The following RBFOX1 variants were observed in gnomAD, a reference collection of about 807,000 sequenced individuals.
RBFOX1 encodes the protein RNA binding protein fox-1 homolog 1.
A neutral mutation model predicts 57.7 loss-of-function variants in RBFOX1; 8 were observed. That is an observed-to-expected ratio of 0.14 (90% confidence interval 0.08 to 0.25). RBFOX1 has a LOEUF of 0.25. RBFOX1 is among the 10% of genes least tolerant of loss of function. The pLI is 1.00. For missense variants in RBFOX1, 611 were observed against 548.5 expected, an observed-to-expected ratio of 1.11 and a Z score of -1.14; for synonymous variants, 326 against 222.4, an observed-to-expected ratio of 1.47 and a Z score of -4.15.
chr16:6,971,970 G>T (rs888350378), intron 3 of RBFOX1, among the ~76,000 whole-genome samples: 1 of 152,170 alleles, frequency 6.6e-6, no homozygotes, highest in African/African-American at 2.4e-5. Context: ...CATGGAGTCC[G>T]TGCCACAGGC....
rs565029339 is a variant in RBFOX1, at chr16:6,405,071, C to T, written c.-64+88014C>T. 9.8e-5 allele frequency among the ~76,000 whole-genome samples: 15 copies of T among 152,298 alleles called. No homozygotes were observed. In the South Asian group the frequency reaches 1.0e-3, roughly 11 times the overall value. On this transcript the variant is annotated intron_variant, in intron 2 of 15. Transcript: ENST00000550418. ...CCTGCATAACACAATGATCAAGAGGCTTCCTGTGAGCCCAACATTCTCATG... is the reference window on the plus strand; with the variant it reads ...CCTGCATAACACAATGATCAAGAGGTTTCCTGTGAGCCCAACATTCTCATG...
At chr16:7,687,953 C>T (rs566291006) in intron 14 of RBFOX1, among the ~76,000 whole-genome samples, 1 of 151,930 alleles carries the variant, frequency 6.6e-6, no homozygotes, top group Non-Finnish European at 1.5e-5. Flanking sequence ...CAAAGATGCT[C>T]AAGTTAAATG....
At chr16:5,614,191 C>G (rs939542033) in intron 3 of RBFOX1, among the ~76,000 whole-genome samples, 1 of 152,176 alleles carries the variant, frequency 6.6e-6, no homozygotes, top group Non-Finnish European at 1.5e-5. Flanking sequence ...CACGTACAGC[C>G]TGAGCCTGAC....
chr16:7,502,639 C>G (rs2071353208), intron 4 of RBFOX1, among the ~76,000 whole-genome samples: 1 of 152,032 alleles, frequency 6.6e-6, no homozygotes, highest in African/African-American at 2.4e-5. Flanking sequence ...TACATGTGCA[C>G]ATTGTGCAGG....
At chr16:7,626,654 C>A (rs528753453) in intron 10 of RBFOX1, among the ~76,000 whole-genome samples, 1 of 151,980 alleles carries the variant, frequency 6.6e-6, no homozygotes, top group Non-Finnish European at 1.5e-5. Flanking sequence ...AGAGAAAACA[C>A]GTGAAGTAGA....
chr16:5,926,326 G>A (rs981828413), intron 4 of RBFOX1, among the ~76,000 whole-genome samples: 3 of 152,180 alleles, frequency 2.0e-5, no homozygotes, highest in Admixed American at 2.0e-4. Flanking sequence ...GTATATTGGA[G>A]AAGGGTTGGG....
intron 3 of RBFOX1, among the ~76,000 whole-genome samples, chr16:5,770,352 G>A (rs955988350): frequency 8.6e-5 from 13 of 152,042 alleles, no homozygotes; most frequent in Admixed American, 3.3e-4. Flanking sequence ...AGCATAAGCC[G>A]TTCCCATCAG....
At chr16:5,591,048 A>G (rs2046989652) in intron 2 of RBFOX1, among the ~76,000 whole-genome samples, 1 of 152,048 alleles carries the variant, frequency 6.6e-6, no homozygotes, top group Non-Finnish European at 1.5e-5. Context: ...ATGGCAAGAA[A>G]TGAAGCCTTA....
intron 10 of RBFOX1, among the ~76,000 whole-genome samples, chr16:7,621,739 A>G (rs1013515853): frequency 6.6e-6 from 1 of 152,208 alleles, no homozygotes; most frequent in Non-Finnish European, 1.5e-5. Flanking sequence ...GGAAGGGCTA[A>G]TGGTGTACTG....
At chr16:5,424,167 ACTCT>A (rs951624577) in intron 1 of RBFOX1, among the ~76,000 whole-genome samples, 4 of 151,942 alleles carry the variant, frequency 2.6e-5, no homozygotes, top group Non-Finnish European at 4.4e-5. Context: ...GAGAGTGTGC[ACTCT>A]CTCTCTCGTT....
rs141205539 is a variant in RBFOX1 at position 6,589,413 on chromosome 16, G to T, written c.-63-65190G>T. On this transcript the variant is annotated intron_variant, in intron 2 of 15. Transcript: ENST00000550418. ...TTTCAGGATTATTTGGTGGGTAGGG[G>T]GTCAGAAAGTGGAAGTGCTGACTGG... 2.3e-3 allele frequency among the ~76,000 whole-genome samples: 356 copies of T among 152,260 alleles called. 2 individuals are homozygous for T. The highest frequency in any genetic ancestry group is 7.5e-3 in the South Asian group (36 of 4,814).
intron 4 of RBFOX1, among the ~76,000 whole-genome samples, chr16:7,204,784 C>G (rs1439985625): frequency 6.6e-6 from 1 of 152,170 alleles, no homozygotes; most frequent in Admixed American, 6.5e-5. Context: ...TCTTTTCCTT[C>G]TTTTCTCCCT....
intron 4 of RBFOX1, among the ~76,000 whole-genome samples, chr16:7,330,519 T>A (rs2144198406): frequency 7.8e-6 from 1 of 128,330 alleles, no homozygotes; most frequent in South Asian, 2.4e-4. Flanking sequence ...TTTGTGTGTG[T>A]GTGTGTAGAG....
At chr16:5,374,136 C>T (rs907568606) in intron 1 of RBFOX1, among the ~76,000 whole-genome samples, 1 of 152,216 alleles carries the variant, frequency 6.6e-6, no homozygotes, top group Non-Finnish European at 1.5e-5. Context: ...CAGGGTTTCA[C>T]CATGTGGGCC....
chr16:6,558,112 A>C (rs148789555), intron 2 of RBFOX1, among the ~76,000 whole-genome samples: 129 of 152,284 alleles, frequency 8.5e-4, no homozygotes, highest in African/African-American at 2.9e-3. Context: ...ATGTACTCCA[A>C]ATCAGTGCTT....
intron 2 of RBFOX1, among the ~76,000 whole-genome samples, chr16:6,544,800 C>T (rs963622627): frequency 3.9e-5 from 6 of 152,086 alleles, no homozygotes; most frequent in African/African-American, 1.2e-4. Context: ...ATGCTGAGCA[C>T]GTAGATTAGT....
At chr16:7,343,681 A>T (rs2096939838) in intron 4 of RBFOX1, among the ~76,000 whole-genome samples, 1 of 152,096 alleles carries the variant, frequency 6.6e-6, no homozygotes, top group Admixed American at 6.6e-5. Flanking sequence ...TATCTTAGGG[A>T]GGAAAAAACA....
At chr16:5,964,632 C>T in intron 4 of RBFOX1, among the ~76,000 whole-genome samples, 1 of 151,936 alleles carries the variant, frequency 6.6e-6, no homozygotes. Context: ...ATACCATATA[C>T]ACATATACAC....
intron 5 of RBFOX1, among the ~76,000 whole-genome samples, chr16:7,561,340 C>G (rs1363204811): frequency 6.6e-6 from 1 of 152,218 alleles, no homozygotes; most frequent in African/African-American, 2.4e-5. Context: ...AAAGAAAAAG[C>G]ATGCTATCCC....
Sources: gnomAD v4.1 joint callset for allele counts (sites outside exome capture counted in the v4.1 genomes callset) on GRCh38, gnomAD v4.1.1 for gene constraint, MANE v1.5 for transcripts, NCBI Gene and HGNC (gene_info 2026-07-23, HGNC 2026-07-21) for gene names.